NAALADL2: variants seen among roughly 807,000 people sequenced by gnomAD.
NAALADL2 encodes the protein inactive N-acetylated-alpha-linked acidic dipeptidase-like protein 2.
In NAALADL2, 76 loss-of-function variants were observed where a neutral mutation model predicts 87.2. The observed-to-expected ratio is 0.87, with a 90% confidence interval of 0.72 to 1.05. The LOEUF is 1.05. Ranked by LOEUF, NAALADL2 falls within the 50% of genes least tolerant of loss-of-function variation. The pLI is 0.00. For synonymous variants in NAALADL2, 354 were observed against 331.0 expected (o/e 1.07, Z -0.75); for missense variants, 1,089 against 945.8 (o/e 1.15, Z -1.99).
intron 2 of NAALADL2, among the ~76,000 whole-genome samples, chr3:175,230,058 T>C (rs1358997523): frequency 2.0e-5 from 3 of 151,148 alleles, no homozygotes; most frequent in African/African-American, 4.9e-5. Context: ...TACGACAGAG[T>C]TGTCATTGCA....
chr3:175,002,861 CTG>C (rs1748428852), intron 1 of NAALADL2, among the ~76,000 whole-genome samples: 1 of 152,166 alleles, frequency 6.6e-6, no homozygotes, highest in Non-Finnish European at 1.5e-5. Context: ...GACAGAATAA[CTG>C]TGCTGGGATG....
At chr3:174,843,902 G>A (rs1678792517) in intron 3 of NAALADL2, among the ~76,000 whole-genome samples, 1 of 151,998 alleles carries the variant, frequency 6.6e-6, no homozygotes, top group South Asian at 2.1e-4. Context: ...GTTGTTTAAA[G>A]TGTTTATATA....
chr3:175,564,548 G>C (rs1235179659), intron 9 of NAALADL2, among the ~76,000 whole-genome samples: 1 of 152,126 alleles, frequency 6.6e-6, no homozygotes, highest in East Asian at 1.9e-4. Flanking sequence ...GTGAGCCTAA[G>C]AGAAGCTATT....
intron 3 of NAALADL2, among the ~76,000 whole-genome samples, chr3:174,787,621 A>ATATATATATATATATATATATATAT (rs1578931205): frequency 9.2e-6 from 1 of 109,244 alleles, no homozygotes; most frequent in Admixed American, 1.0e-4. Flanking sequence ...ATATATATAT[A>ATATATATATATATATATATATATAT]GTAGTGACTC....
chr3:175,783,601 G>A (rs981704523), intron 13 of NAALADL2, among the ~76,000 whole-genome samples: 6 of 151,918 alleles, frequency 3.9e-5, no homozygotes, highest in African/African-American at 1.5e-4. Flanking sequence ...GGAGATTTTG[G>A]GCTGAGACAT....
Position 174,606,421 on chromosome 3 carries a change from A to G in NAALADL2, c.-115+55784A>G, listed in dbSNP as rs1039499508. 3.3e-5 allele frequency among the ~76,000 whole-genome samples: 5 copies of G among 152,164 alleles called. No individual in the cohort carries two copies. The South Asian group carries it at 1.0e-3, about 31-fold the overall frequency. ...AAAGGCAAAGAAGTTAAAAACTTTG[A>G]AAAAAATTTAGACGAATGTATAACT... On this transcript the variant is annotated intron_variant, in intron 2 of 3. Transcript: ENST00000434257.
chr3:175,490,588 G>T (rs1233829856), intron 9 of NAALADL2, among the ~76,000 whole-genome samples: 3 of 148,868 alleles, frequency 2.0e-5, no homozygotes, highest in Non-Finnish European at 4.4e-5. Flanking sequence ...CTAGAGACAT[G>T]GTTTCACCGT....
intron 9 of NAALADL2, among the ~76,000 whole-genome samples, chr3:175,488,013 G>A (rs1544731): frequency 0.79 from 119,579 of 152,106 alleles, 47,068 homozygotes; most frequent in Middle Eastern, 0.81. Flanking sequence ...AATGCCAAGA[G>A]GAAAAGTGAC....
intron 1 of NAALADL2, among the ~76,000 whole-genome samples, chr3:174,904,100 T>C (rs1407863316): frequency 2.0e-5 from 3 of 151,736 alleles, no homozygotes; most frequent in African/African-American, 7.3e-5. Context: ...TGGATATATG[T>C]AGTTAAACAT....
At chr3:175,012,567 G>A (rs1749985198) in intron 1 of NAALADL2, among the ~76,000 whole-genome samples, 1 of 152,082 alleles carries the variant, frequency 6.6e-6, no homozygotes, top group African/African-American at 2.4e-5. Context: ...ATATTAACGT[G>A]TTACGGACAT....
intron 11 of NAALADL2, among the ~76,000 whole-genome samples, chr3:175,689,412 A>G (rs910583709): frequency 6.6e-6 from 1 of 152,176 alleles, no homozygotes; most frequent in Non-Finnish European, 1.5e-5. Flanking sequence ...TCAACTATAT[A>G]TAATTGGAAT....
intron 2 of NAALADL2, among the ~76,000 whole-genome samples, chr3:175,168,979 G>T (rs1301809090): frequency 6.6e-6 from 1 of 151,680 alleles, no homozygotes; most frequent in Non-Finnish European, 1.5e-5. Context: ...AAACAGGATA[G>T]CTGTACAGAT....
At chr3:175,484,384 C>G (rs963788098) in intron 9 of NAALADL2, among the ~76,000 whole-genome samples, 2 of 151,986 alleles carry the variant, frequency 1.3e-5, no homozygotes, top group African/African-American at 2.4e-5. Context: ...TTACAAGATA[C>G]CTTTTAATCA....
At chr3:174,569,951 T>G (rs1330353747) in intron 2 of NAALADL2, among the ~76,000 whole-genome samples, 2 of 152,096 alleles carry the variant, frequency 1.3e-5, no homozygotes, top group Non-Finnish European at 2.9e-5. Context: ...CTGTAAGGCT[T>G]CATCAACTGT....
At chr3:174,805,833 T>C (rs550375498) in intron 3 of NAALADL2, among the ~76,000 whole-genome samples, 2 of 152,282 alleles carry the variant, frequency 1.3e-5, no homozygotes, top group Admixed American at 6.5e-5. Flanking sequence ...TTCTGCTTCA[T>C]TTATGTAGGC....
At chr3:175,743,520 T>C (rs1238816724) in intron 12 of NAALADL2, among the ~76,000 whole-genome samples, 1 of 152,202 alleles carries the variant, frequency 6.6e-6, no homozygotes, top group African/African-American at 2.4e-5. Context: ...GAAAACTGGA[T>C]GTACATAAAG....
At chr3:174,641,307 A>G (rs1051529478) in intron 2 of NAALADL2, among the ~76,000 whole-genome samples, 6 of 152,150 alleles carry the variant, frequency 3.9e-5, no homozygotes, top group Admixed American at 2.0e-4. Context: ...CCCTGAGCGG[A>G]GGTTCAGCAG....
intron 4 of NAALADL2, among the ~76,000 whole-genome samples, chr3:175,266,492 A>T (rs907932641): frequency 4.0e-5 from 6 of 151,680 alleles, no homozygotes; most frequent in African/African-American, 1.4e-4. Context: ...TTATTCTTCA[A>T]GATTTAGTTC....
chr3:175,586,278 A>G (rs1720529033), intron 10 of NAALADL2, among the ~76,000 whole-genome samples: 1 of 152,130 alleles, frequency 6.6e-6, no homozygotes, highest in African/African-American at 2.4e-5. Flanking sequence ...AAGAAGACAT[A>G]GCCTTGAAGT....
Sources: allele counts gnomAD v4.1 joint callset (sites outside exome capture counted in the v4.1 genomes callset), GRCh38; gene constraint gnomAD v4.1.1; transcripts MANE v1.5; gene names NCBI Gene and HGNC (gene_info 2026-07-23, HGNC 2026-07-21).